The following ARMC10 variants were observed in gnomAD, a reference collection of about 807,000 sequenced individuals.
ARMC10 encodes armadillo repeat-containing protein 10.
Under a neutral mutation model 30.2 loss-of-function variants are expected in ARMC10, and 23 were observed. The observed-to-expected ratio is 0.76, with a 90% CI of 0.55 to 1.08. ARMC10 has a LOEUF of 1.08. ARMC10 is among the 50% of genes least tolerant of loss of function. The pLI is 0.00. For missense variants in ARMC10, 303 were observed against 413.7 expected (o/e 0.73, Z 2.32); for synonymous variants, 111 against 164.4 (o/e 0.68, Z 2.48).
chr7:103,075,583 A>T (rs961301745), intron 1 of ARMC10, among the ~76,000 whole-genome samples, 172 bp downstream of exon 1: 1 of 152,230 alleles, frequency 6.6e-6, no homozygotes. Flanking sequence ...TTTGCTGACT[A>T]TACTGGTATG....
At chr7:103,086,583 C>A (rs1427706174) in intron 3 of ARMC10, 47 bp from the exon 4 acceptor site, 2 of 1,547,608 alleles carry the variant, frequency 1.3e-6, no homozygotes, top group Admixed American at 4.5e-5. Flanking sequence ...AACGGAGATG[C>A]ATACTGAAGT....
chr7:103,095,098 A>C (rs1248738302), intron 5 of ARMC10, among the ~76,000 whole-genome samples: 1 of 152,180 alleles, frequency 6.6e-6, no homozygotes, highest in Non-Finnish European at 1.5e-5. Context: ...GAAAATACTA[A>C]AACTTTTCTT....
At chr7:103,075,518 G>C in intron 1 of ARMC10, 107 bp downstream of exon 1, 4 of 1,141,582 alleles carry the variant, frequency 3.5e-6, no homozygotes, top group East Asian at 3.1e-5. Context: ...AGCCGAGCTA[G>C]AGGGAGAGGC....
At chr7:103,086,583 C>T in intron 3 of ARMC10, 47 bp from the exon 4 acceptor site, 1 of 1,547,608 alleles carries the variant, frequency 6.5e-7, no homozygotes, top group Non-Finnish European at 8.7e-7. Flanking sequence ...AACGGAGATG[C>T]ATACTGAAGT....
intron 2 of ARMC10, among the ~76,000 whole-genome samples, chr7:103,079,437 C>G (rs892569378): frequency 1.3e-5 from 2 of 152,080 alleles, no homozygotes; most frequent in African/African-American, 2.4e-5. Flanking sequence ...CCATCAAAAC[C>G]CAAAAGCAAA....
At chr7:103,075,588 G>T (rs755533393) in intron 1 of ARMC10, among the ~76,000 whole-genome samples, 177 bp downstream of exon 1, 6 of 152,250 alleles carry the variant, frequency 3.9e-5, no homozygotes, top group Non-Finnish European at 8.8e-5. Flanking sequence ...TGACTATACT[G>T]GTATGAAAAC....
chr7:103,075,732 G>A, intron 1 of ARMC10, 45 bp from the exon 2 acceptor site: 2 of 1,405,390 alleles, frequency 1.4e-6, no homozygotes, highest in Non-Finnish European at 1.9e-6. Flanking sequence ...GATTGTGGAA[G>A]GGCTGTTGAG....
intron 5 of ARMC10, chr7:103,096,904 A>G (rs1013040125): frequency 3.5e-5 from 8 of 228,408 alleles, no homozygotes; most frequent in African/African-American, 1.6e-4. Flanking sequence ...CCCTGACATT[A>G]TAATTGGGAA....
chr7:103,084,164 C>A, intron 3 of ARMC10: 1 of 618,864 alleles, frequency 1.6e-6, no homozygotes, highest in Non-Finnish European at 2.5e-6. Flanking sequence ...CATTTAAGTA[C>A]ATACTTTAAA....
chr7:103,083,084 G>A (rs1236121032), intron 2 of ARMC10: 1 of 456,532 alleles, frequency 2.2e-6, no homozygotes, highest in Non-Finnish European at 4.4e-6. Flanking sequence ...TCATTGGATG[G>A]GTGTACCTCG....
intron 3 of ARMC10, among the ~76,000 whole-genome samples, chr7:103,084,449 C>T (rs1800657964): frequency 6.6e-6 from 1 of 152,068 alleles, no homozygotes; most frequent in East Asian, 1.9e-4. Flanking sequence ...TTTTTTAGCC[C>T]AGCTTTCTCC....
chr7:103,092,965 A>G (rs1460251141), intron 5 of ARMC10, among the ~76,000 whole-genome samples: 1 of 145,686 alleles, frequency 6.9e-6, no homozygotes, highest in Admixed American at 7.2e-5. Flanking sequence ...TGCTTACCTC[A>G]GGGTTAACAA....
Position 103,075,204 on chromosome 7 carries a change from A to AGACCTCCGCGCTGGC in ARMC10, c.-68_-54dup, listed in dbSNP as rs1275044748. On this transcript the variant is annotated 5_prime_UTR_variant, in exon 1 of 7. Coordinates refer to ENST00000323716, the MANE Select transcript of ARMC10 (RefSeq NM_031905.5). ...TGGCGGCTAGGCCCGCGTGCGCTGG[A>AGACCTCCGCGCTGGC]GACCTCCGCGCTGGCCCCCGCGAGC... 14 of 1,094,102 alleles carry AGACCTCCGCGCTGGC rather than the reference A, an allele frequency of 1.3e-5. No individual in the cohort carries two copies. In the African/African-American group the frequency reaches 1.5e-4, roughly 12 times the overall value. The allele number at this position is 1,094,102 out of a possible 1,614,324, so 67.8% of individuals were successfully genotyped here. A position where few individuals can be genotyped will look rare whatever the true frequency, so the allele number is the denominator to read the frequency against.
At chr7:103,081,375 TAAAAAC>T (rs750669427) in intron 2 of ARMC10, among the ~76,000 whole-genome samples, 67 of 152,350 alleles carry the variant, frequency 4.4e-4, no homozygotes, top group African/African-American at 1.3e-3. Context: ...TTCTCTTTTT[TAAAAAC>T]AAAAACAAAA....
At chr7:103,085,320 A>C (rs1273622380) in intron 3 of ARMC10, among the ~76,000 whole-genome samples, 2 of 152,100 alleles carry the variant, frequency 1.3e-5, no homozygotes, top group African/African-American at 4.8e-5. Flanking sequence ...TGAAATTGTA[A>C]AGGGAAAGTT....
At chr7:103,089,210 TAC>T (rs1352984697) in intron 4 of ARMC10, 1 of 252,424 alleles carries the variant, frequency 4.0e-6, no homozygotes. Context: ...CCAGCTTTCA[TAC>T]AGACACTGTG....
intron 4 of ARMC10, among the ~76,000 whole-genome samples, chr7:103,091,333 C>T (rs762123669): frequency 3.6e-4 from 55 of 151,790 alleles, no homozygotes; most frequent in Non-Finnish European, 6.3e-4. Flanking sequence ...CTTGTCCCCC[C>T]GGAAAAAAAG....
At position 103,089,088 on chromosome 7, in the gene ARMC10, T is replaced by G. The variant is rs2129523257; in HGVS notation, c.528+2324T>G. The stretch of plus-strand genomic sequence containing the variant: ...CTTTGTGGGCTCCATTTTGCAAAAG[T>G]CTTTTTGTCCCTCAGTACCAACTGT... On this transcript the variant is annotated intron_variant, in intron 4 of 6. Coordinates refer to ENST00000323716, the MANE Select transcript of ARMC10 (RefSeq NM_031905.5). The G allele has an allele frequency of 1.2e-5, 2 of 165,556 alleles. 1 individual carries two copies. Among genetic ancestry groups the G allele is most frequent in the Middle Eastern group, 1.0e-3 (2 of 1,938 alleles). The allele number at this position is 165,556 out of a possible 1,614,324, so 10.3% of individuals were successfully genotyped here. A position where few individuals can be genotyped will look rare whatever the true frequency, so the allele number is the denominator to read the frequency against.
At position 103,097,158 on chromosome 7, in the gene ARMC10, A is replaced by G. The variant is rs963531210; in HGVS notation, c.706-119A>G. The G allele has an allele frequency of 6.2e-6, 5 of 803,890 alleles. No individual in the cohort carries two copies. The African/African-American group carries it at 8.6e-5, about 14-fold the overall frequency. The allele number at this position is 803,890 out of a possible 1,614,324, so 49.8% of individuals were successfully genotyped here. A position where few individuals can be genotyped will look rare whatever the true frequency, so the allele number is the denominator to read the frequency against. ...GGTTTCCTGGAGTAGAGAGAATTTG[A>G]GCCAGGCCTGGAAGCTTAGGCAGGA... On this transcript the variant is annotated intron_variant, in intron 5 of 6. Coordinates refer to ENST00000323716, the MANE Select transcript of ARMC10 (RefSeq NM_031905.5).
Sources: allele counts gnomAD v4.1 joint callset (sites outside exome capture counted in the v4.1 genomes callset), GRCh38; gene constraint gnomAD v4.1.1; transcripts MANE v1.5; gene names NCBI Gene and HGNC (gene_info 2026-07-23, HGNC 2026-07-21).